WHRN: variants seen among roughly 807,000 people sequenced by gnomAD.
WHRN encodes the protein whirlin.
WHRN carries 41 observed loss-of-function variants against 68.3 expected under a neutral mutation model. That is an observed-to-expected ratio of 0.60 (90% CI 0.47 to 0.78). The LOEUF is 0.78. Ranked by LOEUF, WHRN falls within the 30% of genes least tolerant of loss-of-function variation. WHRN has a pLI of 0.00. For missense variants in WHRN, 1,243 were observed against 1,244.7 expected (o/e 1.00, Z 0.02); for synonymous variants, 560 against 561.3 (o/e 1.00, Z 0.03).
At chr9:114,451,163 C>T (rs534780993) in intron 3 of WHRN, among the ~76,000 whole-genome samples, 14 of 152,290 alleles carry the variant, frequency 9.2e-5, no homozygotes, top group Admixed American at 2.0e-4. Context: ...GTCAGAAAAA[C>T]GTGGGCAAAG....
Position 114,423,450 on chromosome 9 carries a change from C to G in WHRN, c.1490G>C (p.Arg497Thr). The change falls in exon 7 of 12, where the codon AGG becomes ACG. Residue 497 changes from arginine (R) to threonine (T), a missense_variant. Arg to Thr is a moderately conservative substitution (Grantham distance 71, BLOSUM62 -1). Coordinates refer to ENST00000362057, the MANE Select transcript of WHRN (RefSeq NM_015404.4). ...DLERFDHLVLRREIESMKARQ... is the reference protein window; with the variant it reads ...DLERFDHLVLTREIESMKARQ... ...CGCCTTCATGGACTCAATCTCACGCCTCAGCACCAGGTGGTCGAAGCGTTC... is the reference window on the plus strand; with the variant it reads ...CGCCTTCATGGACTCAATCTCACGCGTCAGCACCAGGTGGTCGAAGCGTTC... 1 of 1,614,154 alleles carries G rather than the reference C, an allele frequency of 6.2e-7. No homozygotes were observed. Among genetic ancestry groups the G allele is most frequent in the Non-Finnish European group, 8.5e-7 (1 of 1,180,020 alleles).
chr9:114,440,314 G>A (rs2132576341), intron 3 of WHRN, among the ~76,000 whole-genome samples: 1 of 152,272 alleles, frequency 6.6e-6, no homozygotes, highest in Non-Finnish European at 1.5e-5. Context: ...TTGGCTTGCT[G>A]CAACCTCTGC....
rs745460020 is a variant in WHRN at position 114,406,726 on chromosome 9, G to A, written c.1865C>T (p.Ser622Leu). The change falls in exon 9 of 12, where the codon TCG becomes TTG. Residue 622 changes from serine (S) to leucine (L), a missense_variant. Ser to Leu is a moderately radical substitution (Grantham distance 145). Coordinates refer to ENST00000362057, the MANE Select transcript of WHRN (RefSeq NM_015404.4). ...SMPSCSGTVF[S>L]APQNRSPPAG... ...TGGCGGGCTGCGGTTCTGTGGAGCC[G>A]AGAAGACAGTGCCCGAGCAGGAAGG... is the stretch of plus-strand genomic sequence containing the variant. 5.6e-6 allele frequency: 9 copies of A among 1,613,988 alleles called. No homozygotes were observed. The highest frequency in any genetic ancestry group is 1.3e-5 in the African/African-American group (1 of 74,944).
chr9:114,454,866 G>A (rs7870731), intron 3 of WHRN, among the ~76,000 whole-genome samples: 114,181 of 152,106 alleles, frequency 0.75, 43,019 homozygotes, highest in East Asian at 0.97. Flanking sequence ...GGCTGGGTGC[G>A]TAGATCAGTG....
intron 7 of WHRN, among the ~76,000 whole-genome samples, chr9:114,421,701 A>C (rs1231021827): frequency 6.6e-6 from 1 of 152,210 alleles, no homozygotes; most frequent in Non-Finnish European, 1.5e-5. Context: ...CATCAGGCCA[A>C]GGACCTGCAC....
intron 1 of WHRN, among the ~76,000 whole-genome samples, chr9:114,496,366 C>T (rs938629106): frequency 2.6e-5 from 4 of 152,114 alleles, no homozygotes; most frequent in East Asian, 1.9e-4. Flanking sequence ...GCAAAAATGC[C>T]GATGCCAAAA....
intron 3 of WHRN, among the ~76,000 whole-genome samples, chr9:114,463,743 C>T (rs1448944515): frequency 6.6e-6 from 1 of 152,130 alleles, no homozygotes; most frequent in East Asian, 1.9e-4. Context: ...ATTATTTCCC[C>T]CTGGAGTCCA....
At chr9:114,503,327 A>T in intron 1 of WHRN, 6 of 410,936 alleles carry the variant, frequency 1.5e-5, no homozygotes, top group Non-Finnish European at 1.6e-5. Flanking sequence ...TTGTACGCAA[A>T]GGAGGTCGGG....
intron 1 of WHRN, among the ~76,000 whole-genome samples, chr9:114,496,608 A>ACCATTTT (rs1162760143): frequency 6.6e-6 from 1 of 152,236 alleles, no homozygotes; most frequent in East Asian, 1.9e-4. Context: ...GGCAGTCCAT[A>ACCATTTT]CCATTTTTCA....
At chr9:114,443,075 T>C (rs948587045) in intron 3 of WHRN, among the ~76,000 whole-genome samples, 3 of 152,160 alleles carry the variant, frequency 2.0e-5, no homozygotes, top group Non-Finnish European at 2.9e-5. Flanking sequence ...CTCTTCCAAA[T>C]ACATGGGAAT....
intron 3 of WHRN, among the ~76,000 whole-genome samples, chr9:114,440,245 A>AT (rs1222763853): frequency 2.7e-5 from 4 of 150,390 alleles, no homozygotes; most frequent in Non-Finnish European, 4.4e-5. Flanking sequence ...TTAAGAAGAA[A>AT]TTTTTTTTTT....
At position 114,406,593 on chromosome 9, in the gene WHRN, G is replaced by C. The variant is rs368299838; in HGVS notation, c.1998C>G (p.Asp666Glu). ...PANPSSKRPL[D>E]AHLALVNQHP... The stretch of plus-strand genomic sequence containing the variant: ...GTTGGTTGACCAGGGCCAGATGGGC[G>C]TCCAGCGGCCTCTTGGAGCTGGGGT... Residue 666 changes from aspartate to glutamate, a missense_variant, in exon 9 of 12, where the codon GAC becomes GAG. By Grantham distance (45) the Asp-to-Glu change is conservative (BLOSUM62 2). Coordinates refer to ENST00000362057, the MANE Select transcript of WHRN (RefSeq NM_015404.4). The C allele has an allele frequency of 6.2e-7, 1 of 1,610,746 alleles. No individual in the cohort carries two copies. Among genetic ancestry groups the C allele is most frequent in the South Asian group, 1.1e-5 (1 of 90,972 alleles).
At chr9:114,447,556 C>G (rs1274905064) in intron 3 of WHRN, among the ~76,000 whole-genome samples, 1 of 152,206 alleles carries the variant, frequency 6.6e-6, no homozygotes, top group East Asian at 1.9e-4. Context: ...TTCCTCCTCC[C>G]TCTTCCTCAC....
intron 1 of WHRN, among the ~76,000 whole-genome samples, chr9:114,487,468 C>T (rs1207003595): frequency 6.6e-6 from 1 of 152,176 alleles, no homozygotes; most frequent in Non-Finnish European, 1.5e-5. Flanking sequence ...AGTTCAATGA[C>T]ATAAAGCTCA....
At position 114,406,441 on chromosome 9, in the gene WHRN, G is replaced by C. The variant is rs1208278299; in HGVS notation, c.2150C>G (p.Thr717Arg). ...SPSGHPDQTG[T>R]NQHFVMVEVH... is the part of the protein sequence containing the mutation. The stretch of plus-strand genomic sequence containing the variant: ...CTCCACCATGACAAAGTGCTGGTTT[G>C]TGCCTGTCTGGTCTGGGTGGCCAGA... The change falls in exon 9 of 12, where the codon ACA (threonine) becomes AGA (arginine). Residue 717 changes from threonine to arginine, a missense_variant. Physicochemically the swap from Thr to Arg is moderately conservative, Grantham distance 71 (BLOSUM62 -1). Transcript: ENST00000362057. The C allele has an allele frequency of 6.2e-7, 1 of 1,614,148 alleles. No homozygotes were observed. The highest frequency in any genetic ancestry group is 8.5e-7 in the Non-Finnish European group (1 of 1,180,036).
chr9:114,425,586 GACACACACAC>G (rs148103230), intron 4 of WHRN: 2,217 of 154,200 alleles, frequency 0.014, 43 homozygotes, highest in African/African-American at 0.047. Context: ...GGAAGGGGGA[GACACACACAC>G]ACACACACAC....
intron 1 of WHRN, among the ~76,000 whole-genome samples, chr9:114,496,218 G>A (rs1467835392): frequency 6.6e-6 from 1 of 152,096 alleles, no homozygotes; most frequent in Admixed American, 6.5e-5. Context: ...TGATCCAGGG[G>A]ACAATGCTGT....
Position 114,424,243 on chromosome 9 carries a change from C to T in WHRN, c.1416+91G>A, listed in dbSNP as rs561493208. On this transcript the variant is annotated intron_variant, in intron 6 of 11. Coordinates refer to ENST00000362057, the MANE Select transcript of WHRN (RefSeq NM_015404.4). ...CCCAGTGTTCAGTTCAGGCCTGACC[C>T]CTTGTAGGTTCTCAGCAAAGGAGCG... The T allele has an allele frequency of 2.2e-5, 33 of 1,471,094 alleles. No homozygotes were observed. The African/African-American group carries it at 3.9e-4, about 17-fold the overall frequency. 91.1% of individuals were successfully genotyped at this position (1,471,094 alleles called of 1,614,324 possible). A position where few individuals can be genotyped will look rare whatever the true frequency, so the allele number is the denominator to read the frequency against.
At chr9:114,403,179 G>A in intron 11 of WHRN, 38 bp downstream of exon 11, 1 of 1,613,706 alleles carries the variant, frequency 6.2e-7, no homozygotes, top group Non-Finnish European at 8.5e-7. Context: ...CCTTTCAGGG[G>A]TAGGGAGAGA....
Sources: allele counts gnomAD v4.1 joint callset (sites outside exome capture counted in the v4.1 genomes callset), GRCh38; gene constraint gnomAD v4.1.1; transcripts MANE v1.5; gene names NCBI Gene and HGNC (gene_info 2026-07-23, HGNC 2026-07-21).